The following DLEU7 variants were observed in gnomAD, a reference collection of about 807,000 sequenced individuals.
The protein encoded by DLEU7 is deleted in lymphocytic leukemia 7.
In DLEU7, 17 loss-of-function variants were observed where a neutral mutation model predicts 16.0. The ratio of observed to expected loss-of-function variants is 1.06; its 90% CI spans 0.73 to 1.59. DLEU7 has a LOEUF of 1.59. Among genes scored for constraint, DLEU7 ranks in the 40% most tolerant of loss-of-function variants. DLEU7 has a pLI of 0.00. For missense variants in DLEU7, 308 were observed against 314.9 expected (o/e 0.98, Z 0.17); for synonymous variants, 113 against 139.8 (o/e 0.81, Z 1.35).
chr13:50,796,492 TG>T (rs1254454061), intron 1 of DLEU7, among the ~76,000 whole-genome samples: 2 of 152,184 alleles, frequency 1.3e-5, no homozygotes, highest in Non-Finnish European at 2.9e-5. Context: ...GCTACCAGAA[TG>T]GCATGCAATT....
intron 1 of DLEU7, among the ~76,000 whole-genome samples, chr13:50,790,345 G>A (rs777950977): frequency 1.6e-4 from 24 of 152,278 alleles, no homozygotes; most frequent in Non-Finnish European, 2.9e-4. Flanking sequence ...AGGGAGTTGT[G>A]TGTGAGAGAA....
chr13:50,827,245 C>T (rs192899964), intron 1 of DLEU7, among the ~76,000 whole-genome samples: 68 of 152,246 alleles, frequency 4.5e-4, no homozygotes, highest in African/African-American at 1.6e-3. Flanking sequence ...GCACTCTAAG[C>T]ACTGTATTAT....
At chr13:50,819,801 T>C (rs536444296), downstream of DLEU7, among the ~76,000 whole-genome samples, 1 of 152,196 alleles carries the variant, frequency 6.6e-6, no homozygotes, top group Non-Finnish European at 1.5e-5. Context: ...CAAGTAGAGA[T>C]ATTCTGTAGT....
intron 1 of DLEU7, among the ~76,000 whole-genome samples, chr13:50,816,683 T>C (rs1385953261): frequency 6.6e-6 from 1 of 151,882 alleles, no homozygotes; most frequent in Non-Finnish European, 1.5e-5. Flanking sequence ...CCAGACGTTA[T>C]GAAAAGTGTC....
intron 1 of DLEU7, among the ~76,000 whole-genome samples, chr13:50,780,378 C>T (rs1443257097): frequency 6.6e-6 from 1 of 152,186 alleles, no homozygotes; most frequent in Non-Finnish European, 1.5e-5. Context: ...TTGGCATTCA[C>T]GAATGTGAAG....
At chr13:50,766,730 G>T (rs552266295) in intron 1 of DLEU7, among the ~76,000 whole-genome samples, 1 of 152,240 alleles carries the variant, frequency 6.6e-6, no homozygotes, top group East Asian at 1.9e-4. Flanking sequence ...AGGCAGGCAG[G>T]CCCCACTGCT....
At chr13:50,746,953 G>A (rs888040759) in intron 1 of DLEU7, among the ~76,000 whole-genome samples, 5 of 103,306 alleles carry the variant, frequency 4.8e-5, no homozygotes, top group African/African-American at 8.8e-5. Flanking sequence ...CTTGTGGAAC[G>A]TACACACACA....
chr13:50,825,952 T>C (rs571019005), intron 1 of DLEU7, among the ~76,000 whole-genome samples: 1 of 152,134 alleles, frequency 6.6e-6, no homozygotes, highest in Admixed American at 6.5e-5. Context: ...GTTGGTGTGC[T>C]GCACCCATTA....
At chr13:50,824,339 A>G (rs1392320388) in intron 1 of DLEU7, among the ~76,000 whole-genome samples, 1 of 152,222 alleles carries the variant, frequency 6.6e-6, no homozygotes, top group Non-Finnish European at 1.5e-5. Flanking sequence ...GCTGAATATA[A>G]GATCTCTTTT....
chr13:50,782,502 G>GAC (rs1479323139), intron 1 of DLEU7, among the ~76,000 whole-genome samples: 9 of 152,002 alleles, frequency 5.9e-5, no homozygotes, highest in Non-Finnish European at 1.0e-4. Context: ...AAGCTATTGC[G>GAC]ACCTCTTCAT....
chr13:50,754,934 T>C (rs558752183), intron 1 of DLEU7, among the ~76,000 whole-genome samples: 11 of 152,306 alleles, frequency 7.2e-5, no homozygotes, highest in African/African-American at 2.4e-4. Flanking sequence ...ACTGTATCTT[T>C]CCTTCATATG....
intron 1 of DLEU7, among the ~76,000 whole-genome samples, chr13:50,783,000 A>G (rs1192955205): frequency 6.6e-6 from 1 of 152,206 alleles, no homozygotes; most frequent in Non-Finnish European, 1.5e-5. Flanking sequence ...TCCAGCATCA[A>G]GGGAGCTTGT....
chr13:50,745,389 G>A (rs2615123), intron 1 of DLEU7, among the ~76,000 whole-genome samples: 12,175 of 151,538 alleles, frequency 0.08, 527 homozygotes, highest in East Asian at 0.15. Flanking sequence ...TAGAATGATG[G>A]TTATCAGGGG....
exon 2 of DLEU7, chr13:50,712,884 A>G: frequency 3.4e-6 from 1 of 290,442 alleles, no homozygotes. Flanking sequence ...CCAGGGGATA[A>G]TTTTCCTGAA....
chr13:50,758,025 ATTTTTTT>A (rs5803530), intron 1 of DLEU7, among the ~76,000 whole-genome samples: 48 of 89,104 alleles, frequency 5.4e-4, no homozygotes, highest in African/African-American at 2.2e-3. Context: ...CATTACCAAG[ATTTTTTT>A]TTTTTTTTTT....
At chr13:50,768,906 G>A (rs1423518921) in intron 1 of DLEU7, among the ~76,000 whole-genome samples, 5 of 152,180 alleles carry the variant, frequency 3.3e-5, no homozygotes, top group Non-Finnish European at 7.4e-5. Context: ...CACCAACAGT[G>A]TAGAAGCGTT....
rs200928092 is a variant in DLEU7, at chr13:50,752,052, C to CTT, written c.460-38814_460-38813dup. The stretch of plus-strand genomic sequence containing the variant: ...TTGTGTCAGTTTGTGCTCTTTCAGT[C>CTT]TTTTTTTTTTTTTTTTTGAGATGGA... On this transcript the variant is annotated intron_variant, in intron 1 of 1. Coordinates refer to the DLEU7 transcript ENST00000400393. Among the ~76,000 whole-genome samples, 210 of 135,738 alleles carry CTT rather than the reference C, an allele frequency of 1.5e-3. 1 individual carries two copies. Among genetic ancestry groups the CTT allele is most frequent in the African/African-American group, 5.4e-3 (198 of 36,404 alleles). The allele number at this position is 135,738 out of a possible 152,430, so 89.0% of individuals were successfully genotyped here.
At chr13:50,735,333 C>T (rs1593533759) in intron 1 of DLEU7, among the ~76,000 whole-genome samples, 1 of 152,078 alleles carries the variant, frequency 6.6e-6, no homozygotes. Flanking sequence ...CTTCATCAAG[C>T]AACAGCACAA....
At chr13:50,832,389 A>T (rs139659858) in intron 1 of DLEU7, among the ~76,000 whole-genome samples, 2 of 151,846 alleles carry the variant, frequency 1.3e-5, no homozygotes, top group East Asian at 3.9e-4. Flanking sequence ...TCCTTTATTA[A>T]TCTGGCTAGC....
Sources: allele counts gnomAD v4.1 joint callset (sites outside exome capture counted in the v4.1 genomes callset), GRCh38; gene constraint gnomAD v4.1.1; transcripts MANE v1.5; gene names NCBI Gene and HGNC (gene_info 2026-07-23, HGNC 2026-07-21).